Variants in SLCO3A1 observed in about 807,000 individuals in gnomAD.
SLCO3A1 encodes PGE1 transporter.
SLCO3A1 carries 27 observed loss-of-function variants against 63.1 expected under a neutral mutation model. The observed-to-expected ratio is 0.43, with a 90% confidence interval of 0.32 to 0.59. The LOEUF (loss-of-function observed/expected upper bound fraction) is 0.59, where lower values mean the gene tolerates loss of function less well. Among genes scored for constraint, SLCO3A1 ranks in the 20% least tolerant of loss-of-function variants. SLCO3A1 has a pLI of 0.09. For synonymous variants in SLCO3A1, 473 were observed against 409.9 expected, an observed-to-expected ratio of 1.15 and a Z score of -1.86; for missense variants, 773 against 945.8, an observed-to-expected ratio of 0.82 and a Z score of 2.40.
chr15:91,891,106 G>T (rs1202907342), intron 1 of SLCO3A1, among the ~76,000 whole-genome samples: 5 of 149,118 alleles, frequency 3.4e-5, no homozygotes, highest in African/African-American at 1.2e-4. Context: ...GCTCAAAGAA[G>T]CTTTTGAGGA....
chr15:92,110,075 T>C (rs891151191), intron 4 of SLCO3A1, among the ~76,000 whole-genome samples: 2 of 152,176 alleles, frequency 1.3e-5, no homozygotes, highest in African/African-American at 4.8e-5. Flanking sequence ...CTGAGAAACG[T>C]ACACTTCTGC....
At chr15:91,925,095 G>C (rs1489190163) in intron 2 of SLCO3A1, among the ~76,000 whole-genome samples, 1 of 152,196 alleles carries the variant, frequency 6.6e-6, no homozygotes, top group Non-Finnish European at 1.5e-5. Context: ...GACTGGGGAA[G>C]GCACACCCAT....
intron 2 of SLCO3A1, among the ~76,000 whole-genome samples, chr15:92,035,498 G>A (rs1325267331): frequency 6.6e-6 from 1 of 151,720 alleles, no homozygotes; most frequent in African/African-American, 2.4e-5. Context: ...TGATCTAAGA[G>A]GACCAGGAAC....
intron 2 of SLCO3A1, among the ~76,000 whole-genome samples, chr15:91,946,028 A>T (rs1899792845): frequency 6.6e-6 from 1 of 152,234 alleles, no homozygotes; most frequent in South Asian, 2.1e-4. Context: ...CTTTGAACAT[A>T]TAAATATCAC....
rs548702102 is a variant in SLCO3A1, at chr15:92,058,818, T to G, written c.647-36063T>G. Among the ~76,000 whole-genome samples the G allele has an allele frequency of 3.3e-5, 5 of 152,278 alleles. No individual in the cohort carries two copies. In the East Asian group the frequency reaches 9.7e-4, roughly 29 times the overall value. On this transcript the variant is annotated intron_variant, in intron 2 of 9. Transcript: ENST00000318445. Reference sequence around the variant, plus strand: ...AGAATCTGTGCCTGCCCCGCCTGCCTTCTGGTGGTTGCTGGCAATGCGAGG... The same window carrying G: ...AGAATCTGTGCCTGCCCCGCCTGCCGTCTGGTGGTTGCTGGCAATGCGAGG...
intron 7 of SLCO3A1, among the ~76,000 whole-genome samples, chr15:92,130,009 T>C (rs925473072): frequency 4.6e-5 from 7 of 152,226 alleles, no homozygotes; most frequent in Non-Finnish European, 8.8e-5. Context: ...TTATTTTTCA[T>C]GACAACAATT....
intron 2 of SLCO3A1, among the ~76,000 whole-genome samples, chr15:92,078,232 G>C (rs1360232820): frequency 6.6e-6 from 1 of 152,190 alleles, no homozygotes; most frequent in Non-Finnish European, 1.5e-5. Flanking sequence ...AAATAACTGG[G>C]AACTACACAA....
At chr15:92,134,344 C>T (rs1411551345) in intron 7 of SLCO3A1, among the ~76,000 whole-genome samples, 1 of 152,172 alleles carries the variant, frequency 6.6e-6, no homozygotes, top group African/African-American at 2.4e-5. Flanking sequence ...TGGGGCATCG[C>T]CACCTGGGAC....
At chr15:91,943,882 T>C (rs1899708674) in intron 2 of SLCO3A1, among the ~76,000 whole-genome samples, 1 of 152,188 alleles carries the variant, frequency 6.6e-6, no homozygotes, top group Admixed American at 6.5e-5. Context: ...TTTGTGCCTC[T>C]TCAGGGCTAC....
chr15:92,152,625 A>G (rs1300056949), intron 9 of SLCO3A1, among the ~76,000 whole-genome samples: 1 of 152,190 alleles, frequency 6.6e-6, no homozygotes, highest in African/African-American at 2.4e-5. Flanking sequence ...CAGTCTGCAT[A>G]TATTTTACCC....
chr15:92,113,169 G>C (rs1312997764), intron 4 of SLCO3A1, among the ~76,000 whole-genome samples: 1 of 152,156 alleles, frequency 6.6e-6, no homozygotes, highest in Non-Finnish European at 1.5e-5. Context: ...CTGTGATCCC[G>C]AGCGGAGCCT....
At chr15:91,996,636 C>T (rs2046195472) in intron 2 of SLCO3A1, among the ~76,000 whole-genome samples, 1 of 152,040 alleles carries the variant, frequency 6.6e-6, no homozygotes, top group Non-Finnish European at 1.5e-5. Context: ...GGTATTGGCA[C>T]AGGGATATAG....
chr15:92,156,250 G>A (rs773131189), intron 9 of SLCO3A1, among the ~76,000 whole-genome samples: 16 of 152,146 alleles, frequency 1.1e-4, no homozygotes, highest in Non-Finnish European at 2.4e-4. Flanking sequence ...AGTGAGATAC[G>A]GCGGTGGGAT....
chr15:92,079,956 C>T (rs1393608773), intron 2 of SLCO3A1, among the ~76,000 whole-genome samples: 3 of 152,266 alleles, frequency 2.0e-5, no homozygotes, highest in African/African-American at 4.8e-5. Context: ...ACACAGAATG[C>T]GGGCCCTTCA....
chr15:92,076,729 C>T (rs1383462504), intron 2 of SLCO3A1, among the ~76,000 whole-genome samples: 1 of 152,228 alleles, frequency 6.6e-6, no homozygotes, highest in African/African-American at 2.4e-5. Flanking sequence ...GGCCCTGAGC[C>T]AGGTCCCCAC....
intron 1 of SLCO3A1, among the ~76,000 whole-genome samples, chr15:91,903,241 A>G (rs1479716109): frequency 3.9e-5 from 6 of 152,242 alleles, no homozygotes; most frequent in African/African-American, 1.4e-4. Context: ...CCTGAGGAAC[A>G]GATGGCCTGG....
intron 2 of SLCO3A1, among the ~76,000 whole-genome samples, chr15:91,997,526 C>A (rs2046205711): frequency 6.6e-6 from 1 of 152,064 alleles, no homozygotes; most frequent in African/African-American, 2.4e-5. Flanking sequence ...TATATGGAAC[C>A]AATAAAGAGC....
At chr15:92,048,437 TC>T (rs1416196068) in intron 2 of SLCO3A1, among the ~76,000 whole-genome samples, 1 of 152,106 alleles carries the variant, frequency 6.6e-6, no homozygotes, top group Non-Finnish European at 1.5e-5. Context: ...AATCCAGACT[TC>T]CTAGTACAGT....
At chr15:92,146,882 C>A in intron 7 of SLCO3A1, 102 bp from the exon 8 acceptor site, 1 of 1,088,930 alleles carries the variant, frequency 9.2e-7, no homozygotes, top group Non-Finnish European at 1.3e-6. Flanking sequence ...TGGAATGCCA[C>A]AGAATGTGTA....
Sources: allele counts gnomAD v4.1 joint callset (sites outside exome capture counted in the v4.1 genomes callset), GRCh38; gene constraint gnomAD v4.1.1; transcripts MANE v1.5; gene names NCBI Gene and HGNC (gene_info 2026-07-23, HGNC 2026-07-21).